USP32: variants seen among roughly 807,000 people sequenced by gnomAD.
The protein encoded by USP32 is ubiquitin specific peptidase 32.
USP32 carries 59 observed loss-of-function variants against 204.8 expected under a neutral mutation model. The ratio of observed to expected loss-of-function variants is 0.29; its 90% CI spans 0.23 to 0.36. The LOEUF is 0.36. Ranked by LOEUF, USP32 falls within the 10% of genes least tolerant of loss-of-function variation. The pLI is 1.00. For missense variants in USP32, 1,160 were observed against 1,946.4 expected, an observed-to-expected ratio of 0.60 and a Z score of 7.60; for synonymous variants, 517 against 678.4, an observed-to-expected ratio of 0.76 and a Z score of 3.70.
intron 1 of USP32, among the ~76,000 whole-genome samples, chr17:60,417,941 C>G (rs1490698519): frequency 6.7e-6 from 1 of 149,702 alleles, no homozygotes; most frequent in African/African-American, 2.5e-5. Flanking sequence ...AGGCGTCCAC[C>G]ACCACGTCCG....
chr17:60,295,110 G>A (rs1045632429), intron 3 of USP32, among the ~76,000 whole-genome samples: 4 of 152,010 alleles, frequency 2.6e-5, no homozygotes, highest in African/African-American at 9.7e-5. Context: ...ATTTTCATGA[G>A]TAATTTGGCA....
At chr17:60,240,685 G>A (rs372943119) in intron 11 of USP32, among the ~76,000 whole-genome samples, 11 of 152,276 alleles carry the variant, frequency 7.2e-5, no homozygotes, top group South Asian at 6.2e-4. Flanking sequence ...TTTTCTGAGT[G>A]TGTATCTTGT....
chr17:60,328,210 T>G (rs1483383216), intron 2 of USP32, among the ~76,000 whole-genome samples: 1 of 152,154 alleles, frequency 6.6e-6, no homozygotes, highest in Non-Finnish European at 1.5e-5. Context: ...TCCTCCCCTC[T>G]GAGGCCCATA....
At chr17:60,197,276 A>G (rs1260695995) in intron 27 of USP32, among the ~76,000 whole-genome samples, 7 of 152,146 alleles carry the variant, frequency 4.6e-5, no homozygotes, top group Admixed American at 6.5e-5. Context: ...TAGTTACCAT[A>G]AAACAGAACT....
In USP32 at chr17:60,200,852, TTTTG is replaced by T. The variant is rs1422489977; in HGVS notation, c.3250-2412_3250-2409del. 1.1e-4 allele frequency among the ~76,000 whole-genome samples: 16 copies of T among 152,298 alleles called. No individual in the cohort carries two copies. The East Asian group carries it at 1.9e-3, about 18-fold the overall frequency. On this transcript the variant is annotated intron_variant, in intron 26 of 33. Coordinates refer to ENST00000300896, the MANE Select transcript of USP32 (RefSeq NM_032582.4). ...TTATAAATAGAATTACTTAATTCAT[TTTTG>T]TTTGTTTGTTTTTTGTTTTTTGAAA...
chr17:60,338,098 C>G (rs2088566795), intron 2 of USP32, among the ~76,000 whole-genome samples: 1 of 152,026 alleles, frequency 6.6e-6, no homozygotes, highest in Admixed American at 6.6e-5. Flanking sequence ...CTAGGACAGG[C>G]AGATAGCTTG....
chr17:60,367,935 C>G (rs574201504), intron 1 of USP32, among the ~76,000 whole-genome samples: 2 of 151,884 alleles, frequency 1.3e-5, no homozygotes, highest in Non-Finnish European at 2.9e-5. Context: ...GCCATTTACA[C>G]GGCACTTACA....
intron 15 of USP32, among the ~76,000 whole-genome samples, chr17:60,220,713 G>A (rs1209937787): frequency 6.6e-6 from 1 of 151,390 alleles, no homozygotes; most frequent in African/African-American, 2.4e-5. Context: ...GCCCGATCTC[G>A]GCTCACCGCA....
rs1010920747 is a variant in USP32 at position 60,201,316 on chromosome 17, C to T, written c.3250-2872G>A. On this transcript the variant is annotated intron_variant, in intron 26 of 33. Transcript: ENST00000300896. ...ATCCCTTCTACAACTAATGGACATGCAATGTTTTCATTTTGGGGCTACTAT... is the reference window on the plus strand; with the variant it reads ...ATCCCTTCTACAACTAATGGACATGTAATGTTTTCATTTTGGGGCTACTAT... Among the ~76,000 whole-genome samples, 142 of 152,178 alleles carry T rather than the reference C, an allele frequency of 9.3e-4. 1 individual carries two copies. The highest frequency in any genetic ancestry group is 9.4e-4 in the Non-Finnish European group (64 of 68,012).
intron 2 of USP32, among the ~76,000 whole-genome samples, chr17:60,343,269 C>T (rs145488890): frequency 4.2e-4 from 64 of 151,732 alleles, no homozygotes; most frequent in African/African-American, 1.3e-3. Flanking sequence ...CAAGGATATC[C>T]GGGACTTGAA....
intron 2 of USP32, among the ~76,000 whole-genome samples, chr17:60,329,044 G>A (rs762949960): frequency 7.2e-5 from 11 of 152,154 alleles, no homozygotes; most frequent in Non-Finnish European, 1.2e-4. Flanking sequence ...AGACAAAGGC[G>A]CCACCAGCCA....
At chr17:60,396,032 G>A (rs368192900), upstream of USP32, among the ~76,000 whole-genome samples, 1 of 142,546 alleles carries the variant, frequency 7.0e-6, no homozygotes, top group African/African-American at 2.7e-5. Flanking sequence ...ATGTGGTCAC[G>A]TGTATTGTAT....
intron 1 of USP32, among the ~76,000 whole-genome samples, chr17:60,407,854 T>C (rs1275341036): frequency 1.3e-5 from 2 of 150,614 alleles, no homozygotes; most frequent in Admixed American, 6.6e-5. Flanking sequence ...TTCCAGCACT[T>C]TGGGAGGCCA....
At chr17:60,401,160 TAAA>T in intron 1 of USP32, among the ~76,000 whole-genome samples, 1 of 127,894 alleles carries the variant, frequency 7.8e-6, no homozygotes, top group East Asian at 2.2e-4. Flanking sequence ...AGACCCTGTC[TAAA>T]AAAAAAAAAA....
intron 1 of USP32, among the ~76,000 whole-genome samples, chr17:60,376,165 C>T (rs1419906912): frequency 6.6e-6 from 1 of 151,998 alleles, no homozygotes; most frequent in East Asian, 1.9e-4. Flanking sequence ...CCAGTCTAAG[C>T]TTCCCAAGGA....
intron 19 of USP32, 32 bp from the exon 20 acceptor site, chr17:60,211,546 G>A: frequency 6.3e-7 from 1 of 1,588,986 alleles, no homozygotes; most frequent in South Asian, 1.2e-5. Flanking sequence ...CCAAAGCTTA[G>A]CTGTAGTAAT....
chr17:60,234,490 G>C (rs2085664260), intron 12 of USP32, among the ~76,000 whole-genome samples: 1 of 151,618 alleles, frequency 6.6e-6, no homozygotes, highest in Non-Finnish European at 1.5e-5. Context: ...CACTTCGGGA[G>C]GCCGAGGAGG....
chr17:60,204,155 A>C (rs756146792), intron 26 of USP32, among the ~76,000 whole-genome samples: 4 of 152,234 alleles, frequency 2.6e-5, no homozygotes, highest in Non-Finnish European at 5.9e-5. Flanking sequence ...ATTTTCCTCA[A>C]GAACATTCTT....
chr17:60,190,508 T>G, intron 29 of USP32, 55 bp downstream of exon 29: 1 of 1,502,772 alleles, frequency 6.7e-7, no homozygotes, highest in Non-Finnish European at 8.8e-7. Flanking sequence ...ATAGTTACAC[T>G]GGTGGAAATT....
Sources: allele counts gnomAD v4.1 joint callset (sites outside exome capture counted in the v4.1 genomes callset), GRCh38; gene constraint gnomAD v4.1.1; transcripts MANE v1.5; gene names NCBI Gene and HGNC (gene_info 2026-07-23, HGNC 2026-07-21).